The following PIGF variants were observed in gnomAD, a reference collection of about 807,000 sequenced individuals.
PIGF encodes the protein phosphatidylinositol glycan anchor biosynthesis class F.
In PIGF, 23 loss-of-function variants were observed where a neutral mutation model predicts 26.0. The ratio of observed to expected loss-of-function variants is 0.88; its 90% CI spans 0.64 to 1.25. The LOEUF (loss-of-function observed/expected upper bound fraction) is 1.25. Ranked by LOEUF, PIGF falls within the 50% of genes most tolerant of loss-of-function variation. The pLI is 0.00. For synonymous variants in PIGF, 93 were observed against 92.6 expected (o/e 1.00, Z -0.03); for missense variants, 278 against 249.9 (o/e 1.11, Z -0.76).
intron 4 of PIGF, among the ~76,000 whole-genome samples, chr2:46,596,718 C>A (rs892189241): frequency 6.6e-6 from 1 of 151,926 alleles, no homozygotes; most frequent in South Asian, 2.1e-4. Context: ...TACTTTCTGC[C>A]TTCTTCTAAG....
At chr2:46,613,999 C>A in intron 2 of PIGF, 1 of 463,862 alleles carries the variant, frequency 2.2e-6, no homozygotes, top group South Asian at 2.8e-5. Flanking sequence ...CCACCTTCCG[C>A]CCATATTCTA....
chr2:46,607,839 G>T (rs1184280929), intron 4 of PIGF, among the ~76,000 whole-genome samples: 2 of 151,786 alleles, frequency 1.3e-5, no homozygotes, highest in Non-Finnish European at 2.9e-5. Flanking sequence ...GGATTACAGG[G>T]GCCTACCAGC....
chr2:46,591,987 A>G, intron 5 of PIGF: 2 of 1,297,150 alleles, frequency 1.5e-6, no homozygotes, highest in Admixed American at 2.3e-5. Flanking sequence ...ATATGAATAT[A>G]AGACCACAAG....
chr2:46,604,552 A>G (rs1215701733), intron 4 of PIGF, among the ~76,000 whole-genome samples: 1 of 152,030 alleles, frequency 6.6e-6, no homozygotes, highest in East Asian at 1.9e-4. Context: ...AGTTCCTGCC[A>G]TTTGCAACAA....
chr2:46,612,264 T>C lies in PIGF; in HGVS notation c.401A>G (p.Asn134Ser). ...TVPCLCLLGPNLKAWLRVFSR... is the reference protein window; with the variant it reads ...TVPCLCLLGPSLKAWLRVFSR... ...GAACACTCTTAGCCATGCTTTGAGG[T>C]TTGGTCCTAACAAACATAAGCAAGG... Residue 134 changes from asparagine (N) to serine (S), a missense_variant, in exon 4 of 6, where the codon AAC (asparagine) becomes AGC (serine). By Grantham distance (46) the Asn-to-Ser change is conservative. Coordinates refer to ENST00000281382, the MANE Select transcript of PIGF (RefSeq NM_002643.4). 1 of 1,448,594 alleles carries C rather than the reference T, an allele frequency of 6.9e-7. No individual in the cohort carries two copies. Among genetic ancestry groups the C allele is most frequent in the Non-Finnish European group, 9.2e-7 (1 of 1,086,932 alleles). The allele number at this position is 1,448,594 out of a possible 1,614,324, so 89.7% of individuals were successfully genotyped here. A position where few individuals can be genotyped will look rare whatever the true frequency, so the allele number is the denominator to read the frequency against.
intron 4 of PIGF, among the ~76,000 whole-genome samples, chr2:46,603,714 G>C (rs576931316): frequency 6.6e-6 from 1 of 152,108 alleles, no homozygotes; most frequent in East Asian, 1.9e-4. Context: ...AACCAAGATG[G>C]ATTAAAGACT....
At chr2:46,608,568 G>A (rs543705822) in intron 4 of PIGF, among the ~76,000 whole-genome samples, 3 of 152,228 alleles carry the variant, frequency 2.0e-5, no homozygotes, top group African/African-American at 4.8e-5. Context: ...TCCATCAGAG[G>A]AATCACTATC....
intron 4 of PIGF, among the ~76,000 whole-genome samples, chr2:46,596,463 A>T (rs1669888893): frequency 6.6e-6 from 1 of 152,174 alleles, no homozygotes; most frequent in Non-Finnish European, 1.5e-5. Context: ...TTTTAAAAAT[A>T]GAAAAACTCT....
chr2:46,611,655 T>C (rs1268861291), intron 4 of PIGF, among the ~76,000 whole-genome samples: 8 of 152,202 alleles, frequency 5.3e-5, no homozygotes, highest in Non-Finnish European at 1.2e-4. Flanking sequence ...CTATTTCTGG[T>C]GCATATCATT....
intron 4 of PIGF, among the ~76,000 whole-genome samples, chr2:46,593,156 C>T (rs1388861702): frequency 3.0e-5 from 4 of 131,712 alleles, no homozygotes; most frequent in Admixed American, 8.4e-5. Flanking sequence ...TTTTTTCAGA[C>T]GGAGTCTCAC....
At chr2:46,603,935 A>C (rs1307843896) in intron 4 of PIGF, among the ~76,000 whole-genome samples, 1 of 152,132 alleles carries the variant, frequency 6.6e-6, no homozygotes, top group African/African-American at 2.4e-5. Flanking sequence ...ACAGAATGGA[A>C]GAAAATATTT....
rs902960637 is a variant in PIGF at position 46,588,603 on chromosome 2, C to T, written c.546+3872G>A. On this transcript the variant is annotated intron_variant, in intron 5 of 5. Transcript: ENST00000281382. This position sits in a 1 kb window ranked among gnomAD's most constrained non-coding sequence, Gnocchi z 4.1. ...GTTACCTGCCTACCCATTAATAAAA[C>T]GTGAGTTTAAAAACCTCATGGTCAA... 1.6e-4 allele frequency: 24 copies of T among 153,260 alleles called. No homozygotes were observed. Among genetic ancestry groups the T allele is most frequent in the Admixed American group, 4.6e-4 (7 of 15,288 alleles). The allele number at this position is 153,260 out of a possible 1,614,324, so 9.5% of individuals were successfully genotyped here. A position where few individuals can be genotyped will look rare whatever the true frequency, so the allele number is the denominator to read the frequency against.
At chr2:46,607,775 A>C (rs1389605319) in intron 4 of PIGF, among the ~76,000 whole-genome samples, 1 of 151,628 alleles carries the variant, frequency 6.6e-6, no homozygotes, top group Non-Finnish European at 1.5e-5. Context: ...GCTCGCTGCA[A>C]CCTCTGCCTC....
At position 46,609,153 on chromosome 2, in the gene PIGF, G is replaced by A. The variant is rs116956447; in HGVS notation, c.437+3075C>T. Among the ~76,000 whole-genome samples, 190 of 152,334 alleles carry A rather than the reference G, an allele frequency of 1.2e-3. 5 individuals are homozygous for A. The East Asian group carries it at 0.017, about 13-fold the overall frequency. ...CTTAGCTAGATCTTCTGGATAACTT[G>A]CTCCAGCTTCTACATCAGCACTTGT... is the stretch of plus-strand genomic sequence containing the variant. On this transcript the variant is annotated intron_variant, in intron 4 of 5. Coordinates refer to ENST00000281382, the MANE Select transcript of PIGF (RefSeq NM_002643.4).
At chr2:46,596,913 TTTC>T (rs1053805527) in intron 4 of PIGF, among the ~76,000 whole-genome samples, 1 of 152,244 alleles carries the variant, frequency 6.6e-6, no homozygotes, top group African/African-American at 2.4e-5. Context: ...CAATTATACA[TTTC>T]TTTTCTCATA....
intron 4 of PIGF, among the ~76,000 whole-genome samples, chr2:46,593,422 C>T (rs756277379): frequency 3.9e-4 from 59 of 152,238 alleles, no homozygotes; most frequent in Non-Finnish European, 6.2e-4. Flanking sequence ...TGAGCCACTG[C>T]ACCCGGCCTC....
At chr2:46,616,442 AG>A (rs1670631570) in intron 1 of PIGF, 1 of 152,504 alleles carries the variant, frequency 6.6e-6, no homozygotes, top group Non-Finnish European at 1.5e-5. Flanking sequence ...TAATACAGTG[AG>A]CAGGACCCAA....
rs147271861 is a variant in PIGF at position 46,602,060 on chromosome 2, A to G, written c.438-9477T>C. On this transcript the variant is annotated intron_variant, in intron 4 of 5. Coordinates refer to ENST00000281382, the MANE Select transcript of PIGF (RefSeq NM_002643.4). ...TGAAAAAAAAAATAATTTTAATGCC[A>G]ATGCAATAACTGAATTAAATTAGTA... 2.7e-3 allele frequency among the ~76,000 whole-genome samples: 406 copies of G among 152,140 alleles called. 1 individual carries two copies. The highest frequency in any genetic ancestry group is 8.8e-3 in the African/African-American group (364 of 41,580).
intron 3 of PIGF, among the ~76,000 whole-genome samples, chr2:46,613,054 A>G (rs1014627128): frequency 6.6e-6 from 1 of 151,034 alleles, no homozygotes; most frequent in Non-Finnish European, 1.5e-5. Context: ...ATATATATAT[A>G]TATATAAAAT....
Sources: allele counts gnomAD v4.1 joint callset (sites outside exome capture counted in the v4.1 genomes callset), GRCh38; gene constraint gnomAD v4.1.1; non-coding constraint Gnocchi (gnomAD v3.1); transcripts MANE v1.5; gene names NCBI Gene and HGNC (gene_info 2026-07-23, HGNC 2026-07-21).